CSMD1: variants seen among roughly 807,000 people sequenced by gnomAD.
CSMD1 encodes CUB and sushi domain-containing protein 1.
CSMD1 carries 213 observed loss-of-function variants against 417.5 expected under a neutral mutation model. The ratio of observed to expected loss-of-function variants is 0.51; its 90% CI spans 0.46 to 0.57. The LOEUF (loss-of-function observed/expected upper bound fraction) is 0.57, where lower values mean the gene tolerates loss of function less well. Among genes scored for constraint, CSMD1 ranks in the 20% least tolerant of loss-of-function variants. The pLI is 0.00. For missense variants in CSMD1, 6,923 were observed against 4,529.7 expected, an observed-to-expected ratio of 1.53 and a Z score of -15.17; for synonymous variants, 2,862 against 1,736.8, an observed-to-expected ratio of 1.65 and a Z score of -16.11.
At chr8:4,392,711 T>C (rs924053749) in intron 3 of CSMD1, among the ~76,000 whole-genome samples, 4 of 151,732 alleles carry the variant, frequency 2.6e-5, no homozygotes, top group African/African-American at 7.3e-5. Context: ...GGCTGACACC[T>C]GTAATACCAG....
At chr8:3,154,013 C>T (rs1819362047) in intron 39 of CSMD1, among the ~76,000 whole-genome samples, 1 of 152,224 alleles carries the variant, frequency 6.6e-6, no homozygotes, top group South Asian at 2.1e-4. Context: ...GTCACCCAGG[C>T]TGGACTGCAG....
chr8:4,069,807 C>T (rs1422746167), intron 3 of CSMD1, among the ~76,000 whole-genome samples: 1 of 152,192 alleles, frequency 6.6e-6, no homozygotes, highest in East Asian at 1.9e-4. Flanking sequence ...AATTACTCGA[C>T]AACTCACTAC....
intron 10 of CSMD1, among the ~76,000 whole-genome samples, chr8:3,502,337 C>T (rs1796638188): frequency 7.4e-6 from 1 of 134,892 alleles, no homozygotes; most frequent in Non-Finnish European, 1.5e-5. Flanking sequence ...TGCACTGCAG[C>T]CTGGGGGACA....
intron 10 of CSMD1, among the ~76,000 whole-genome samples, chr8:3,560,523 A>T (rs1162560708): frequency 6.6e-6 from 1 of 152,192 alleles, no homozygotes; most frequent in Admixed American, 6.5e-5. Flanking sequence ...CCTTGAAAGC[A>T]TGTATTTGAG....
At chr8:3,336,665 C>T (rs772755049) in intron 23 of CSMD1, among the ~76,000 whole-genome samples, 1 of 152,126 alleles carries the variant, frequency 6.6e-6, no homozygotes, top group African/African-American at 2.4e-5. Context: ...GCCCTGTGCC[C>T]CCATCCAGAC....
intron 6 of CSMD1, among the ~76,000 whole-genome samples, chr8:3,719,802 T>C (rs377705433): frequency 2.5e-4 from 38 of 152,304 alleles, no homozygotes; most frequent in African/African-American, 7.5e-4. Context: ...GTCCAGCTTT[T>C]GGATCTTTAA....
At chr8:4,568,244 A>G (rs911298781) in intron 2 of CSMD1, among the ~76,000 whole-genome samples, 1 of 152,150 alleles carries the variant, frequency 6.6e-6, no homozygotes, top group Non-Finnish European at 1.5e-5. Context: ...CATCATTTAC[A>G]TTAGGGATTT....
At chr8:3,922,310 T>A (rs1809333084) in intron 5 of CSMD1, among the ~76,000 whole-genome samples, 1 of 152,052 alleles carries the variant, frequency 6.6e-6, no homozygotes, top group East Asian at 1.9e-4. Context: ...TATAGTTGGA[T>A]CTTATTTATG....
At chr8:4,384,981 C>T (rs926333977) in intron 3 of CSMD1, among the ~76,000 whole-genome samples, 24 of 152,256 alleles carry the variant, frequency 1.6e-4, no homozygotes, top group Non-Finnish European at 5.9e-5. Context: ...AGTGCAATGG[C>T]GCAATCTCGA....
At chr8:3,942,021 T>A (rs2129773806) in intron 5 of CSMD1, among the ~76,000 whole-genome samples, 1 of 152,124 alleles carries the variant, frequency 6.6e-6, no homozygotes, top group South Asian at 2.1e-4. Context: ...GCAGTGGCAT[T>A]AGATTCTTAT....
chr8:3,091,733 T>C (rs1221198818), intron 47 of CSMD1, 71 bp from the exon 48 acceptor site: 2 of 1,407,474 alleles, frequency 1.4e-6, no homozygotes, highest in Admixed American at 2.4e-5. Flanking sequence ...TAGGTTTAGC[T>C]TTTGATTACA....
intron 2 of CSMD1, among the ~76,000 whole-genome samples, chr8:4,574,903 T>C (rs1049882061): frequency 3.3e-5 from 5 of 152,226 alleles, no homozygotes; most frequent in Admixed American, 3.3e-4. Flanking sequence ...AAGAATAACA[T>C]ACACACATAT....
At chr8:4,808,646 G>A (rs777439530) in intron 1 of CSMD1, among the ~76,000 whole-genome samples, 1 of 152,136 alleles carries the variant, frequency 6.6e-6, no homozygotes, top group Non-Finnish European at 1.5e-5. Flanking sequence ...CATACCAACA[G>A]CCTTTGGACA....
chr8:3,458,397 G>A (rs1183371795), intron 12 of CSMD1, among the ~76,000 whole-genome samples: 1 of 152,086 alleles, frequency 6.6e-6, no homozygotes, highest in Non-Finnish European at 1.5e-5. Context: ...AGAAAAAAAT[G>A]GAAATCAAGA....
At chr8:3,394,133 G>T (rs927094746) in intron 17 of CSMD1, among the ~76,000 whole-genome samples, 1 of 143,074 alleles carries the variant, frequency 7.0e-6, no homozygotes, top group African/African-American at 2.5e-5. Context: ...TACGAAGCCT[G>T]CCCTCTACTT....
chr8:4,124,523 T>C (rs1008858608), intron 3 of CSMD1, among the ~76,000 whole-genome samples: 10 of 152,140 alleles, frequency 6.6e-5, no homozygotes, highest in African/African-American at 2.4e-4. Flanking sequence ...TCTTCAAGTA[T>C]CAAAGCCCTG....
intron 3 of CSMD1, among the ~76,000 whole-genome samples, chr8:4,080,700 G>A (rs1045527050): frequency 2.6e-5 from 4 of 152,172 alleles, no homozygotes; most frequent in Admixed American, 2.6e-4. Flanking sequence ...CTTCAGTGAA[G>A]ACTATTCTTT....
chr8:3,790,344 G>C (rs1235049470), intron 5 of CSMD1, among the ~76,000 whole-genome samples: 1 of 152,082 alleles, frequency 6.6e-6, no homozygotes, highest in Non-Finnish European at 1.5e-5. Flanking sequence ...TGGTGATGGT[G>C]ATGATGATGG....
At chr8:3,358,177 C>G (rs1808921775) in intron 21 of CSMD1, among the ~76,000 whole-genome samples, 1 of 152,216 alleles carries the variant, frequency 6.6e-6, no homozygotes, top group Non-Finnish European at 1.5e-5. Flanking sequence ...CCCCACCTGC[C>G]TCCAGTTCGT....
Sources: allele counts gnomAD v4.1 joint callset (sites outside exome capture counted in the v4.1 genomes callset), GRCh38; gene constraint gnomAD v4.1.1; transcripts MANE v1.5; gene names NCBI Gene and HGNC (gene_info 2026-07-23, HGNC 2026-07-21).